NT5DC1: variants seen among roughly 807,000 people sequenced by gnomAD.
NT5DC1 encodes 5'-nucleotidase domain containing 1.
Under a neutral mutation model 59.4 loss-of-function variants are expected in NT5DC1, and 42 were observed. That is an observed-to-expected ratio of 0.71 (90% CI 0.55 to 0.92). The LOEUF is 0.92. NT5DC1 is among the 40% of genes least tolerant of loss of function. NT5DC1 has a pLI of 0.00. For synonymous variants in NT5DC1, 172 were observed against 188.1 expected, an observed-to-expected ratio of 0.91 and a Z score of 0.70; for missense variants, 501 against 537.1, an observed-to-expected ratio of 0.93 and a Z score of 0.66.
At chr6:116,109,550 C>T (rs1778832814) in intron 3 of NT5DC1, among the ~76,000 whole-genome samples, 1 of 152,214 alleles carries the variant, frequency 6.6e-6, no homozygotes, top group African/African-American at 2.4e-5. Flanking sequence ...ACCCCTCCTA[C>T]AAGGTCTGTC....
At chr6:116,195,931 C>T (rs768431143) in intron 6 of NT5DC1, among the ~76,000 whole-genome samples, 6 of 151,972 alleles carry the variant, frequency 3.9e-5, no homozygotes, top group Admixed American at 1.3e-4. Flanking sequence ...GAGAGAGATT[C>T]CTGCCTCTAA....
At chr6:116,169,175 T>G (rs1334825920) in intron 6 of NT5DC1, among the ~76,000 whole-genome samples, 1 of 149,638 alleles carries the variant, frequency 6.7e-6, no homozygotes, top group Non-Finnish European at 1.5e-5. Flanking sequence ...GGGTTTCTCT[T>G]TTCCTCAGCT....
At chr6:116,196,796 G>A (rs1420584149) in intron 6 of NT5DC1, among the ~76,000 whole-genome samples, 1 of 151,812 alleles carries the variant, frequency 6.6e-6, no homozygotes, top group Non-Finnish European at 1.5e-5. Context: ...TACTTGTGCA[G>A]CCTTGTGTAT....
chr6:116,153,168 CAT>C (rs1307354661), intron 6 of NT5DC1, among the ~76,000 whole-genome samples: 1 of 151,676 alleles, frequency 6.6e-6, no homozygotes, highest in African/African-American at 2.4e-5. Context: ...AAATATACAA[CAT>C]AATTTTTGAG....
At chr6:116,125,609 T>C in intron 6 of NT5DC1, 1 of 986,006 alleles carries the variant, frequency 1.0e-6, no homozygotes, top group Non-Finnish European at 1.5e-6. Flanking sequence ...TCTACTTTTT[T>C]AACCTATCCT....
intron 6 of NT5DC1, among the ~76,000 whole-genome samples, chr6:116,186,425 C>G (rs1385262314): frequency 6.6e-6 from 1 of 151,774 alleles, no homozygotes; most frequent in Non-Finnish European, 1.5e-5. Flanking sequence ...GCCTAGATCT[C>G]TAGCAAGGCT....
intron 8 of NT5DC1, among the ~76,000 whole-genome samples, chr6:116,226,761 C>A (rs980172052): frequency 6.6e-6 from 1 of 151,820 alleles, no homozygotes; most frequent in African/African-American, 2.4e-5. Context: ...AATAAATATA[C>A]CATTTTAAAA....
At chr6:116,101,154 G>A in intron 1 of NT5DC1, 131 bp downstream of exon 1, 3 of 634,134 alleles carry the variant, frequency 4.7e-6, no homozygotes, top group Non-Finnish European at 5.2e-6. Flanking sequence ...CGCAGAGCGC[G>A]GCCTCCAGCG....
At chr6:116,203,893 C>T (rs1781394139) in intron 6 of NT5DC1, among the ~76,000 whole-genome samples, 1 of 151,766 alleles carries the variant, frequency 6.6e-6, no homozygotes, top group Non-Finnish European at 1.5e-5. Flanking sequence ...TATTTTTTGC[C>T]ACTTGATATC....
chr6:116,224,486 A>G lies in NT5DC1; in HGVS notation c.802+1355A>G, dbSNP rs115418036. On this transcript the variant is annotated intron_variant, in intron 8 of 11. Transcript: ENST00000319550. ...ATAACCACCTTATGAGGTACAGTAT[A>G]TGGGGCAGGCCTCCTTAGAGTGGCT... Among the ~76,000 whole-genome samples, 678 of 152,320 alleles carry G rather than the reference A, an allele frequency of 4.5e-3. 3 individuals are homozygous for G. Among genetic ancestry groups the G allele is most frequent in the African/African-American group, 0.015 (640 of 41,570 alleles).
Position 116,237,057 on chromosome 6 carries a change from G to A in NT5DC1, c.894G>A (p.Lys298=), listed in dbSNP as rs1782127558. 1 of 1,612,054 alleles carries A rather than the reference G, an allele frequency of 6.2e-7. No individual in the cohort carries two copies. The highest frequency in any genetic ancestry group is 8.5e-7 in the Non-Finnish European group (1 of 1,178,164). The change falls in exon 9 of 12, where the codon AAG becomes AAA. Residue 298 remains lysine, a synonymous_variant. Transcript: ENST00000319550. ...CTGTCCACCTCTATGAACTTCTGAA[G>A]AAAATGACTGGCAAACCTGAACCCA... ...GNAVHLYELL[K]KMTGKPEPKV...
At chr6:116,192,738 C>G (rs931817755) in intron 6 of NT5DC1, among the ~76,000 whole-genome samples, 20 of 152,082 alleles carry the variant, frequency 1.3e-4, no homozygotes, top group African/African-American at 4.8e-4. Context: ...TCTATCTGGT[C>G]TGAGTACTAA....
intron 5 of NT5DC1, among the ~76,000 whole-genome samples, chr6:116,116,003 G>C (rs969295202): frequency 1.3e-5 from 2 of 151,892 alleles, no homozygotes. Context: ...AGCAGAGGGG[G>C]CAAAAGTTTA....
At chr6:116,184,316 G>A (rs993726295) in intron 6 of NT5DC1, among the ~76,000 whole-genome samples, 4 of 151,938 alleles carry the variant, frequency 2.6e-5, no homozygotes, top group African/African-American at 9.7e-5. Flanking sequence ...ATTTTGTTGA[G>A]GATTTTGCAT....
At chr6:116,211,868 A>G (rs1781586875) in intron 6 of NT5DC1, among the ~76,000 whole-genome samples, 2 of 152,034 alleles carry the variant, frequency 1.3e-5, no homozygotes. Context: ...AAAGCTAGAG[A>G]GCCTACACCT....
At chr6:116,219,851 A>G (rs932599303) in intron 6 of NT5DC1, among the ~76,000 whole-genome samples, 3 of 151,476 alleles carry the variant, frequency 2.0e-5, no homozygotes, top group Admixed American at 1.3e-4. Flanking sequence ...AGTCCCAGCT[A>G]CTAGGGAGGC....
chr6:116,195,383 A>G (rs1468444034), intron 6 of NT5DC1, among the ~76,000 whole-genome samples: 5 of 152,028 alleles, frequency 3.3e-5, no homozygotes, highest in African/African-American at 1.2e-4. Context: ...TATTAAGTTT[A>G]CCTTAACTTT....
At chr6:116,209,752 A>C (rs942343537) in intron 6 of NT5DC1, among the ~76,000 whole-genome samples, 6 of 151,972 alleles carry the variant, frequency 3.9e-5, no homozygotes, top group Non-Finnish European at 2.9e-5. Flanking sequence ...AGACAATATC[A>C]GTTCAGTGAC....
At chr6:116,120,181 T>G in intron 6 of NT5DC1, 1 of 1,614,182 alleles carries the variant, frequency 6.2e-7, no homozygotes, top group Non-Finnish European at 8.5e-7. Context: ...GGTCATTTTC[T>G]GTGAGATCGA....
Sources: gnomAD v4.1 joint callset for allele counts (sites outside exome capture counted in the v4.1 genomes callset) on GRCh38, gnomAD v4.1.1 for gene constraint, MANE v1.5 for transcripts, NCBI Gene and HGNC (gene_info 2026-07-23, HGNC 2026-07-21) for gene names.